NWD2: variants seen among roughly 807,000 people sequenced by gnomAD.
NWD2 encodes NACHT and WD repeat domain containing 2, also known as NACHT and WD repeat domain-containing protein 2.
A neutral mutation model predicts 132.7 loss-of-function variants in NWD2; 37 were observed. The observed-to-expected ratio is 0.28, with a 90% CI of 0.21 to 0.37. The LOEUF (loss-of-function observed/expected upper bound fraction) is 0.37. Among genes scored for constraint, NWD2 ranks in the 10% least tolerant of loss-of-function variants. The pLI, the probability that NWD2 is intolerant of heterozygous loss-of-function variation, is 1.00. For synonymous variants in NWD2, 705 were observed against 803.0 expected (o/e 0.88, Z 2.06); for missense variants, 1,592 against 2,122.4 (o/e 0.75, Z 4.91).
rs1719315542 is a variant in NWD2, at chr4:37,332,503, C to G, written c.240+6479C>G. Among the ~76,000 whole-genome samples the G allele has an allele frequency of 2.0e-5, 3 of 150,156 alleles. No homozygotes were observed. In the Admixed American group the frequency reaches 2.0e-4, roughly 10 times the overall value. On this transcript the variant is annotated intron_variant, in intron 2 of 6. Coordinates refer to ENST00000309447, the MANE Select transcript of NWD2 (RefSeq NM_001144990.2). The stretch of plus-strand genomic sequence containing the variant: ...CAGTCCTAGCAGGACTCATCACTTG[C>G]TGACTAAAGAGCCATGATCTCCCCA...
intron 5 of NWD2, among the ~76,000 whole-genome samples, chr4:37,437,993 G>A (rs1418248750): frequency 1.3e-5 from 2 of 152,006 alleles, no homozygotes; most frequent in African/African-American, 2.4e-5. Context: ...TGGGCGTGGT[G>A]GCTCACACCT....
rs1034000466 is a variant in NWD2, at chr4:37,379,142, G to T, written c.357+22660G>T. Among the ~76,000 whole-genome samples the T allele has an allele frequency of 8.9e-4, 136 of 152,238 alleles. 1 individual carries two copies. Among genetic ancestry groups the T allele is most frequent in the African/African-American group, 3.1e-3 (127 of 41,544 alleles). On this transcript the variant is annotated intron_variant, in intron 3 of 6. Transcript: ENST00000309447. ...ATTCAGTGGAAAACCACATGACAGGGTTCATAAATTTATCCAGTGGTTTTT... is the reference window on the plus strand; with the variant it reads ...ATTCAGTGGAAAACCACATGACAGGTTTCATAAATTTATCCAGTGGTTTTT...
chr4:37,371,463 A>G (rs1230471225), intron 3 of NWD2, among the ~76,000 whole-genome samples: 1 of 152,246 alleles, frequency 6.6e-6, no homozygotes, highest in African/African-American at 2.4e-5. Context: ...GGCTAAATCT[A>G]TTAAACAGTT....
chr4:37,293,295 A>G (rs1421577925), intron 1 of NWD2, among the ~76,000 whole-genome samples: 2 of 152,148 alleles, frequency 1.3e-5, no homozygotes, highest in Admixed American at 6.5e-5. Flanking sequence ...GTCATTGTCT[A>G]TTTGCCAGTT....
intron 1 of NWD2, among the ~76,000 whole-genome samples, chr4:37,299,611 T>C (rs73807480): frequency 0.037 from 5,602 of 151,680 alleles, 364 homozygotes; most frequent in African/African-American, 0.13. Context: ...CCAGCAATCT[T>C]TCCTTTGATT....
At chr4:37,440,790 C>T (rs1400809714) in intron 6 of NWD2, among the ~76,000 whole-genome samples, 1 of 152,072 alleles carries the variant, frequency 6.6e-6, no homozygotes, top group South Asian at 2.1e-4. Context: ...GTTGGCTCTT[C>T]AGCCTAAACA....
chr4:37,322,128 G>A (rs1220322330), intron 1 of NWD2, among the ~76,000 whole-genome samples: 3 of 152,176 alleles, frequency 2.0e-5, no homozygotes, highest in African/African-American at 4.8e-5. Context: ...TGGCGCATGT[G>A]TGGCTTTTTT....
intron 1 of NWD2, among the ~76,000 whole-genome samples, chr4:37,318,395 A>G (rs569939606): frequency 2.0e-5 from 3 of 152,318 alleles, no homozygotes; most frequent in South Asian, 2.1e-4. Context: ...CATAGTCTAC[A>G]GTGGATACAA....
chr4:37,253,429 G>T (rs955632351), intron 1 of NWD2, among the ~76,000 whole-genome samples: 3 of 152,182 alleles, frequency 2.0e-5, no homozygotes, highest in Admixed American at 2.0e-4. Flanking sequence ...CTGGAGGAGA[G>T]AATGAAGCCA....
chr4:37,397,024 ACT>A (rs1720804668), intron 3 of NWD2, among the ~76,000 whole-genome samples: 2 of 77,930 alleles, frequency 2.6e-5, no homozygotes, highest in African/African-American at 3.7e-5. Flanking sequence ...CAAGAGTGAA[ACT>A]CTGTTGCAAA....
intron 1 of NWD2, among the ~76,000 whole-genome samples, chr4:37,288,484 G>A (rs1718288407): frequency 6.6e-6 from 1 of 152,156 alleles, no homozygotes; most frequent in African/African-American, 2.4e-5. Context: ...GGGAGAAACA[G>A]TTGTTAAATT....
intron 3 of NWD2, among the ~76,000 whole-genome samples, chr4:37,378,548 A>C (rs1720393716): frequency 6.6e-6 from 1 of 152,200 alleles, no homozygotes; most frequent in African/African-American, 2.4e-5. Context: ...GGATCTTAGG[A>C]CAATTCCCCA....
intron 2 of NWD2, among the ~76,000 whole-genome samples, chr4:37,353,051 G>A (rs542264660): frequency 1.3e-4 from 20 of 152,230 alleles, no homozygotes; most frequent in African/African-American, 4.3e-4. Flanking sequence ...CAGGCCTGAT[G>A]GTGACAAAAT....
At chr4:37,295,994 G>A (rs1044367571) in intron 1 of NWD2, among the ~76,000 whole-genome samples, 5 of 152,152 alleles carry the variant, frequency 3.3e-5, no homozygotes, top group African/African-American at 1.2e-4. Context: ...GACATGCACT[G>A]AGCAATGTAA....
Position 37,443,670 on chromosome 4 carries a change from A to T in NWD2, c.1682A>T (p.His561Leu). 4 of 1,552,178 alleles carry T rather than the reference A, an allele frequency of 2.6e-6. No individual in the cohort carries two copies. The highest frequency in any genetic ancestry group is 3.5e-6 in the Non-Finnish European group (4 of 1,147,120). The change falls in exon 7 of 7, where the codon CAT becomes CTT. Residue 561 changes from histidine to leucine, a missense_variant. This residue lies in a region of NWD2 where 1,071 missense variants were observed against 1,398.0 expected (regional missense o/e 0.77). Coordinates refer to ENST00000309447, the MANE Select transcript of NWD2 (RefSeq NM_001144990.2). This position sits in a 1 kb window ranked among gnomAD's most constrained non-coding sequence, Gnocchi z 4.1. The stretch of plus-strand genomic sequence containing the variant: ...TTGCAGAAACTAAGGTGCCTTATCC[A>T]TGAAGAAGACAACTACATCGAGCTG... Reference protein sequence around the residue: ...GILQKLRCLIHEEDNYIELIP... With the variant: ...GILQKLRCLILEEDNYIELIP...
At chr4:37,441,490 A>G (rs757971786) in intron 6 of NWD2, among the ~76,000 whole-genome samples, 8 of 152,214 alleles carry the variant, frequency 5.3e-5, no homozygotes, top group Non-Finnish European at 8.8e-5. Flanking sequence ...TCAAAGGTTC[A>G]TGTGATGCAC....
chr4:37,265,634 A>ATC lies in NWD2; in HGVS notation c.151+20430_151+20431dup, dbSNP rs138436411. Among the ~76,000 whole-genome samples, 15 of 150,608 alleles carry ATC rather than the reference A, an allele frequency of 1.0e-4. No homozygotes were observed. The East Asian group carries it at 1.2e-3, about 12-fold the overall frequency. ...GTGCCAGTAGCATGACATCCCTCCC[A>ATC]TCTCTCTCTCTCTCTGTGACCTCTG... On this transcript the variant is annotated intron_variant, in intron 1 of 6. Transcript: ENST00000309447.
chr4:37,368,712 C>T (rs564897873), intron 3 of NWD2, among the ~76,000 whole-genome samples: 14 of 152,038 alleles, frequency 9.2e-5, no homozygotes, highest in Non-Finnish European at 1.6e-4. Context: ...CTTTGATTGT[C>T]CAGAGACCAG....
At chr4:37,382,983 C>T (rs10856829) in intron 3 of NWD2, among the ~76,000 whole-genome samples, 40,787 of 151,904 alleles carry the variant, frequency 0.27, 6,566 homozygotes, top group Non-Finnish European at 0.37. Context: ...TGTAAGCCAC[C>T]GCACCCGGCC....
Sources: allele counts gnomAD v4.1 joint callset (sites outside exome capture counted in the v4.1 genomes callset), GRCh38; gene constraint gnomAD v4.1.1; regional missense constraint gnomAD v4.1.1; non-coding constraint Gnocchi (gnomAD v3.1); transcripts MANE v1.5; gene names NCBI Gene and HGNC (gene_info 2026-07-23, HGNC 2026-07-21).